Variants in COP1 observed in about 807,000 individuals in gnomAD.
COP1 encodes the protein COP1 E3 ubiquitin ligase.
In COP1, 24 loss-of-function variants were observed where a neutral mutation model predicts 101.3. That is an observed-to-expected ratio of 0.24 (90% confidence interval 0.17 to 0.33). The LOEUF (loss-of-function observed/expected upper bound fraction) is 0.33. Ranked by LOEUF, COP1 falls within the 10% of genes least tolerant of loss-of-function variation. The pLI is 1.00. For synonymous variants in COP1, 347 were observed against 341.9 expected (o/e 1.01, Z -0.17); for missense variants, 663 against 906.2 (o/e 0.73, Z 3.45).
intron 5 of COP1, among the ~76,000 whole-genome samples, chr1:176,153,678 G>A (rs189913405): frequency 6.6e-6 from 1 of 152,128 alleles, no homozygotes; most frequent in African/African-American, 2.4e-5. Flanking sequence ...GGTTTTCAAG[G>A]GCAATGCTTC....
chr1:175,950,248 C>T (rs1200007933), intron 18 of COP1, among the ~76,000 whole-genome samples: 2 of 151,202 alleles, frequency 1.3e-5, no homozygotes. Flanking sequence ...GAATTGAATG[C>T]CAGTTTGAAT....
At chr1:176,081,621 T>A (rs1679176001) in intron 10 of COP1, among the ~76,000 whole-genome samples, 1 of 152,016 alleles carries the variant, frequency 6.6e-6, no homozygotes, top group Non-Finnish European at 1.5e-5. Context: ...AATGTGAGGA[T>A]ATTAAGAAGA....
At chr1:176,042,562 C>CAAAAAA (rs1171580353) in intron 14 of COP1, among the ~76,000 whole-genome samples, 1 of 53,100 alleles carries the variant, frequency 1.9e-5, no homozygotes, top group Non-Finnish European at 3.6e-5. Flanking sequence ...GAATCCGTCT[C>CAAAAAA]AAAAAAAAAA....
intron 15 of COP1, among the ~76,000 whole-genome samples, chr1:176,019,272 G>C (rs1374506050): frequency 6.6e-6 from 1 of 151,734 alleles, no homozygotes; most frequent in Non-Finnish European, 1.5e-5. Flanking sequence ...CGATAAGCCT[G>C]ACAAATGTGG....
intron 3 of COP1, among the ~76,000 whole-genome samples, chr1:176,164,145 T>A (rs973791673): frequency 1.3e-5 from 2 of 152,232 alleles, no homozygotes; most frequent in African/African-American, 4.8e-5. Flanking sequence ...TGTTTCTCAA[T>A]GATGACGCTA....
chr1:175,992,443 C>T (rs1284198036), intron 15 of COP1, among the ~76,000 whole-genome samples: 9 of 152,214 alleles, frequency 5.9e-5, no homozygotes, highest in African/African-American at 1.9e-4. Context: ...CAGGGTGAGG[C>T]ATTGCCTCAC....
chr1:176,081,356 T>A (rs1221467394), intron 10 of COP1, 69 bp from the exon 11 acceptor site: 6 of 1,235,748 alleles, frequency 4.9e-6, no homozygotes, highest in African/African-American at 4.6e-5. Flanking sequence ...AAGAGCCACA[T>A]CCACAAATTA....
chr1:176,126,459 T>C (rs1298063288), intron 8 of COP1, among the ~76,000 whole-genome samples: 1 of 152,200 alleles, frequency 6.6e-6, no homozygotes, highest in African/African-American at 2.4e-5. Context: ...CACTTCTTTT[T>C]TCTTTTCTTT....
chr1:176,096,889 T>C (rs1343029593), intron 9 of COP1, among the ~76,000 whole-genome samples: 2 of 152,216 alleles, frequency 1.3e-5, no homozygotes, highest in Admixed American at 6.5e-5. Flanking sequence ...TGTAACCACA[T>C]GACAATGTTT....
chr1:176,184,115 T>C (rs1367421035), intron 2 of COP1, among the ~76,000 whole-genome samples: 1 of 152,104 alleles, frequency 6.6e-6, no homozygotes, highest in Non-Finnish European at 1.5e-5. Flanking sequence ...ATATAAAATA[T>C]ATAAATTCGG....
At chr1:175,945,250 A>G (rs1182692596) in intron 19 of COP1, 80 bp from the exon 20 acceptor site, 3 of 1,045,038 alleles carry the variant, frequency 2.9e-6, no homozygotes, top group Non-Finnish European at 2.8e-6. Context: ...TACTATATTT[A>G]CCAATAGAAA....
At chr1:176,003,761 G>A (rs1485250558) in intron 15 of COP1, among the ~76,000 whole-genome samples, 4 of 151,172 alleles carry the variant, frequency 2.6e-5, no homozygotes, top group Non-Finnish European at 5.9e-5. Flanking sequence ...TAGCCTTGTA[G>A]TATAGTTTGA....
intron 18 of COP1, among the ~76,000 whole-genome samples, chr1:175,972,483 T>TTTTTTTTA (rs1553281799): frequency 4.6e-4 from 69 of 150,092 alleles, no homozygotes; most frequent in African/African-American, 1.6e-3. Flanking sequence ...TTTTTTTTTT[T>TTTTTTTTA]GAGACAGAGT....
At chr1:176,192,694 G>A (rs1312147707) in intron 1 of COP1, among the ~76,000 whole-genome samples, 1 of 152,042 alleles carries the variant, frequency 6.6e-6, no homozygotes, top group Admixed American at 6.6e-5. Context: ...AAAAACAAAT[G>A]CCTACACAGG....
intron 11 of COP1, among the ~76,000 whole-genome samples, chr1:176,054,739 G>T (rs1283009335): frequency 1.3e-5 from 2 of 151,864 alleles, no homozygotes; most frequent in East Asian, 3.9e-4. Flanking sequence ...ATCTATCCTG[G>T]ATCTTTTCCA....
intron 14 of COP1, among the ~76,000 whole-genome samples, chr1:176,042,623 T>C (rs1177312594): frequency 7.9e-6 from 1 of 127,052 alleles, no homozygotes; most frequent in African/African-American, 3.1e-5. Flanking sequence ...CCCAGTTACA[T>C]GGGAGGCTGA....
intron 1 of COP1, among the ~76,000 whole-genome samples, chr1:176,192,246 A>G (rs1429731985): frequency 6.6e-6 from 1 of 152,124 alleles, no homozygotes; most frequent in African/African-American, 2.4e-5. Flanking sequence ...CCAAACACAG[A>G]ATCAGTTCTA....
At chr1:176,122,132 T>C (rs1179450901) in intron 8 of COP1, among the ~76,000 whole-genome samples, 1 of 112,224 alleles carries the variant, frequency 8.9e-6, no homozygotes, top group East Asian at 2.5e-4. Flanking sequence ...AGAGCAAGAC[T>C]GCATCTCAAA....
intron 15 of COP1, among the ~76,000 whole-genome samples, chr1:175,994,210 C>G (rs1016361565): frequency 6.6e-6 from 1 of 152,140 alleles, no homozygotes; most frequent in Non-Finnish European, 1.5e-5. Context: ...AATCTGTCAC[C>G]ACCAGGCCTG....
Sources: gnomAD v4.1 joint callset for allele counts (sites outside exome capture counted in the v4.1 genomes callset) on GRCh38, gnomAD v4.1.1 for gene constraint, MANE v1.5 for transcripts, NCBI Gene and HGNC (gene_info 2026-07-23, HGNC 2026-07-21) for gene names.